UACA: variants seen among roughly 807,000 people sequenced by gnomAD.
UACA encodes the protein uveal autoantigen with coiled-coil domains and ankyrin repeats, also known as nuclear membrane binding protein.
In UACA, 112 loss-of-function variants were observed where a neutral mutation model predicts 160.5. That is an observed-to-expected ratio of 0.70 (90% CI 0.60 to 0.82). The LOEUF (loss-of-function observed/expected upper bound fraction) is 0.82. Ranked by LOEUF, UACA falls within the 40% of genes least tolerant of loss-of-function variation. The pLI is 0.00. For missense variants in UACA, 1,574 were observed against 1,614.6 expected (o/e 0.97, Z 0.43); for synonymous variants, 557 against 568.4 (o/e 0.98, Z 0.29).
intron 1 of UACA, among the ~76,000 whole-genome samples, chr15:70,762,111 G>T (rs1161848230): frequency 6.6e-6 from 1 of 151,956 alleles, no homozygotes; most frequent in Non-Finnish European, 1.5e-5. Flanking sequence ...ACGACTTCAT[G>T]CTTTATCAAA....
chr15:70,704,663 G>C (rs947782198), intron 1 of UACA, among the ~76,000 whole-genome samples: 4 of 152,152 alleles, frequency 2.6e-5, no homozygotes, highest in Admixed American at 6.5e-5. Context: ...AAATCAAATA[G>C]CTAATAGATA....
At chr15:70,728,753 C>T (rs1227858522) in intron 1 of UACA, among the ~76,000 whole-genome samples, 2 of 152,072 alleles carry the variant, frequency 1.3e-5, no homozygotes, top group Non-Finnish European at 2.9e-5. Context: ...AGTAAACACA[C>T]AACCTACAGA....
chr15:70,657,156 ATT>A, intron 18 of UACA, 29 bp from the exon 19 acceptor site: 1 of 1,567,488 alleles, frequency 6.4e-7, no homozygotes, highest in Non-Finnish European at 8.8e-7. Context: ...GAGGAGCATT[ATT>A]TTATGTCATC....
At chr15:70,706,920 T>C (rs983367615) in intron 1 of UACA, among the ~76,000 whole-genome samples, 2 of 152,208 alleles carry the variant, frequency 1.3e-5, no homozygotes, top group African/African-American at 2.4e-5. Context: ...AATGGCATTT[T>C]TGCAGAAATA....
chr15:70,662,124 C>T (rs1042388069), intron 17 of UACA, among the ~76,000 whole-genome samples: 14 of 152,168 alleles, frequency 9.2e-5, no homozygotes, highest in African/African-American at 3.4e-4. Flanking sequence ...ATCATCTCAG[C>T]CCAAAATCTT....
intron 1 of UACA, among the ~76,000 whole-genome samples, chr15:70,762,186 T>A (rs1378092074): frequency 1.3e-5 from 2 of 152,190 alleles, no homozygotes; most frequent in Non-Finnish European, 2.9e-5. Context: ...GTCTAGGTAG[T>A]TCCTCCACAA....
chr15:70,708,864 A>C (rs896261441), intron 1 of UACA, among the ~76,000 whole-genome samples: 1 of 152,238 alleles, frequency 6.6e-6, no homozygotes, highest in Non-Finnish European at 1.5e-5. Flanking sequence ...CCACAGGTTA[A>C]TAACTGTTAA....
chr15:70,759,144 A>ATC (rs1420126083), intron 1 of UACA, among the ~76,000 whole-genome samples: 1 of 152,212 alleles, frequency 6.6e-6, no homozygotes, highest in East Asian at 1.9e-4. Flanking sequence ...CCCTTCTAAA[A>ATC]TGTCTGCTTA....
chr15:70,745,279 C>T (rs1341830696), intron 1 of UACA, among the ~76,000 whole-genome samples: 1 of 151,366 alleles, frequency 6.6e-6, no homozygotes, highest in Non-Finnish European at 1.5e-5. Context: ...AAAAAAAATA[C>T]AAAAAATTAG....
intron 1 of UACA, among the ~76,000 whole-genome samples, chr15:70,724,747 C>CA (rs1401277946): frequency 6.6e-6 from 1 of 151,932 alleles, no homozygotes; most frequent in Non-Finnish European, 1.5e-5. Context: ...TAGGCATCCC[C>CA]AAGCACATAG....
At position 70,707,246 on chromosome 15, in the gene UACA, G is replaced by A. The variant is rs182419510; in HGVS notation, c.79-7586C>T. 2.1e-4 allele frequency among the ~76,000 whole-genome samples: 32 copies of A among 152,228 alleles called. No individual in the cohort carries two copies. The East Asian group carries it at 4.8e-3, about 23-fold the overall frequency. On this transcript the variant is annotated intron_variant, in intron 1 of 18. Coordinates refer to ENST00000322954, the MANE Select transcript of UACA (RefSeq NM_018003.4). ...TAGCCACATGCAAAAGAACAAAGTT[G>A]GACCTTTATCTTACATCAGATGCAA...
intron 1 of UACA, among the ~76,000 whole-genome samples, chr15:70,700,933 CAATAT>C (rs1273607438): frequency 6.6e-6 from 1 of 151,810 alleles, no homozygotes; most frequent in East Asian, 1.9e-4. Flanking sequence ...CATGTTTGAT[CAATAT>C]AATTTTATAT....
the UACA span, among the ~76,000 whole-genome samples, chr15:70,777,954 A>G: frequency 6.6e-6 from 1 of 152,198 alleles, no homozygotes; most frequent in African/African-American, 2.4e-5. Flanking sequence ...GTATTATTCC[A>G]TTTACATGTT....
chr15:70,690,069 C>T (rs1398906207), intron 5 of UACA, among the ~76,000 whole-genome samples: 7 of 151,986 alleles, frequency 4.6e-5, no homozygotes, highest in Non-Finnish European at 5.9e-5. Flanking sequence ...ATTAGGTAAA[C>T]ATAGTTTAAG....
chr15:70,682,247 A>G lies in UACA; in HGVS notation c.822+511T>C, dbSNP rs140533730. ...GTGTTGTTATTCCGTAAAGTCCTCA[A>G]TTAAATACACACAGAAAAAAAGACT... On this transcript the variant is annotated intron_variant, in intron 9 of 18. Transcript: ENST00000322954. Among the ~76,000 whole-genome samples the G allele has an allele frequency of 1.6e-3, 250 of 152,368 alleles. 1 individual carries two copies. Among genetic ancestry groups the G allele is most frequent in the African/African-American group, 5.8e-3 (243 of 41,592 alleles).
At chr15:70,775,015 C>T in the UACA span, among the ~76,000 whole-genome samples, 5 of 151,908 alleles carry the variant, frequency 3.3e-5, no homozygotes, top group South Asian at 4.2e-4. Flanking sequence ...GCCGAGATCA[C>T]GCTACAGCAT....
intron 16 of UACA, among the ~76,000 whole-genome samples, chr15:70,665,663 G>A (rs1393290668): frequency 2.0e-5 from 3 of 151,964 alleles, no homozygotes; most frequent in Non-Finnish European, 4.4e-5. Context: ...TCAATAAATG[G>A]CAACAAGTAG....
At chr15:70,672,506 G>C (rs1374642619) in intron 13 of UACA, among the ~76,000 whole-genome samples, 1 of 146,942 alleles carries the variant, frequency 6.8e-6, no homozygotes, top group African/African-American at 2.5e-5. Flanking sequence ...AAATGAAACT[G>C]AGGCAGAGAC....
At chr15:70,772,949 T>C in the UACA span, among the ~76,000 whole-genome samples, 27,422 of 150,256 alleles carry the variant, frequency 0.18, 3,780 homozygotes, top group African/African-American at 0.39. Flanking sequence ...ATTAGCTGAG[T>C]GTGGTTGTTG....
Sources: allele counts gnomAD v4.1 joint callset (sites outside exome capture counted in the v4.1 genomes callset), GRCh38; gene constraint gnomAD v4.1.1; transcripts MANE v1.5; gene names NCBI Gene and HGNC (gene_info 2026-07-23, HGNC 2026-07-21).